PCDH9: variants seen among roughly 807,000 people sequenced by gnomAD.
PCDH9 encodes the protein protocadherin 9.
A neutral mutation model predicts 70.6 loss-of-function variants in PCDH9; 24 were observed. The ratio of observed to expected loss-of-function variants is 0.34; its 90% CI spans 0.25 to 0.48. PCDH9 has a LOEUF of 0.48. PCDH9 is among the 20% of genes least tolerant of loss of function. PCDH9 has a pLI of 0.99. For synonymous variants in PCDH9, 562 were observed against 558.5 expected (o/e 1.01, Z -0.09); for missense variants, 1,281 against 1,503.6 (o/e 0.85, Z 2.45).
At chr13:67,193,006 C>A (rs77610412) in intron 2 of PCDH9, among the ~76,000 whole-genome samples, 1,534 of 152,156 alleles carry the variant, frequency 0.01, 38 homozygotes, top group African/African-American at 0.035. Flanking sequence ...TCCATCAACA[C>A]CTAATTGCTT....
intron 3 of PCDH9, among the ~76,000 whole-genome samples, chr13:66,846,997 A>T (rs946914691): frequency 6.6e-6 from 1 of 152,092 alleles, no homozygotes. Flanking sequence ...CAAATGAATG[A>T]TTTCCCCCAT....
chr13:66,442,344 A>G (rs1321618909), intron 4 of PCDH9, among the ~76,000 whole-genome samples: 4 of 152,204 alleles, frequency 2.6e-5, no homozygotes, highest in Non-Finnish European at 5.9e-5. Context: ...TCTTTCAAAG[A>G]GAAAATGCAT....
Position 67,123,564 on chromosome 13 carries a change from C to T in PCDH9, c.3036+101841G>A, listed in dbSNP as rs529883827. On this transcript the variant is annotated intron_variant, in intron 2 of 4. Transcript: ENST00000377865. ...TATATGTCTTACTATAGTAATGTTA[C>T]GATAATCATCATTGGTTAGTTTAAT... Among the ~76,000 whole-genome samples, 21 of 152,126 alleles carry T rather than the reference C, an allele frequency of 1.4e-4. No homozygotes were observed. The South Asian group carries it at 2.3e-3, about 17-fold the overall frequency.
intron 3 of PCDH9, among the ~76,000 whole-genome samples, chr13:66,820,323 C>T (rs981421696): frequency 3.9e-5 from 6 of 152,012 alleles, no homozygotes; most frequent in African/African-American, 9.7e-5. Context: ...TATTTTTAGT[C>T]GATACCCCTA....
At chr13:66,770,801 A>AT (rs1262927218) in intron 3 of PCDH9, among the ~76,000 whole-genome samples, 3 of 152,118 alleles carry the variant, frequency 2.0e-5, no homozygotes, top group East Asian at 1.9e-4. Context: ...AAAAATCCAC[A>AT]TTTTTGTCTC....
At chr13:66,404,986 A>C (rs1433614441) in intron 4 of PCDH9, among the ~76,000 whole-genome samples, 2 of 152,118 alleles carry the variant, frequency 1.3e-5, no homozygotes, top group African/African-American at 4.8e-5. Flanking sequence ...TATACAGTAA[A>C]ATTGTTTTTA....
At chr13:67,203,916 A>G (rs2089277658) in intron 2 of PCDH9, 1 of 152,094 alleles carries the variant, frequency 6.6e-6, no homozygotes, top group Admixed American at 6.6e-5. Flanking sequence ...CATAAATATG[A>G]TATGATAGGT....
chr13:66,973,652 A>G (rs1435296337), intron 2 of PCDH9, among the ~76,000 whole-genome samples: 1 of 152,062 alleles, frequency 6.6e-6, no homozygotes, highest in African/African-American at 2.4e-5. Context: ...TAGCTAACCT[A>G]TCAAGGCATG....
chr13:66,587,132 C>CA (rs1201350425), intron 4 of PCDH9, among the ~76,000 whole-genome samples: 1 of 151,948 alleles, frequency 6.6e-6, no homozygotes, highest in East Asian at 1.9e-4. Context: ...CTTGTCTCTA[C>CA]AAAAAATATT....
chr13:66,897,907 A>G (rs1205613183), intron 3 of PCDH9, among the ~76,000 whole-genome samples: 1 of 152,154 alleles, frequency 6.6e-6, no homozygotes, highest in African/African-American at 2.4e-5. Context: ...ATTATTTTCC[A>G]GGTCAATCTT....
intron 4 of PCDH9, among the ~76,000 whole-genome samples, chr13:66,544,805 C>T (rs997166760): frequency 6.6e-6 from 1 of 152,046 alleles, no homozygotes; most frequent in Non-Finnish European, 1.5e-5. Context: ...GCCATCAATA[C>T]ATCTTATGCT....
rs1262028716 is a variant in PCDH9 at position 66,631,252 on chromosome 13, C to T, written c.3298G>A (p.Asp1100Asn). 15 of 1,610,662 alleles carry T rather than the reference C, an allele frequency of 9.3e-6. No individual in the cohort carries two copies. ...TTGCCATCTGCTTCAGTCCTCTTGTCCGGAGAGGCCTGGTCATAGAATTCG... is the reference window on the plus strand; with the variant it reads ...TTGCCATCTGCTTCAGTCCTCTTGTTCGGAGAGGCCTGGTCATAGAATTCG... ...QDEFYDQASP[D>N]KRTEADGNSD... The change falls in exon 4 of 5, where the codon GAC (aspartate) becomes AAC (asparagine). Residue 1100 changes from aspartate to asparagine, a missense_variant. Asp to Asn is a conservative substitution (Grantham distance 23). Around this residue, in one of 4 missense-constraint regions of PCDH9, gnomAD observed 264 missense variants for 278.8 expected, o/e 0.95. Coordinates refer to ENST00000377865, the MANE Select transcript of PCDH9 (RefSeq NM_203487.3).
At chr13:66,420,303 A>G (rs990020236) in intron 4 of PCDH9, among the ~76,000 whole-genome samples, 4 of 152,128 alleles carry the variant, frequency 2.6e-5, no homozygotes, top group African/African-American at 9.7e-5. Flanking sequence ...GGATCTCCCA[A>G]CACAGCACTC....
chr13:66,561,836 G>A (rs1962054789), intron 4 of PCDH9, among the ~76,000 whole-genome samples: 1 of 152,040 alleles, frequency 6.6e-6, no homozygotes, highest in African/African-American at 2.4e-5. Context: ...AATAAAAGCA[G>A]GCTGCCCGAG....
intron 3 of PCDH9, among the ~76,000 whole-genome samples, chr13:66,642,688 C>G (rs933607890): frequency 1.3e-5 from 2 of 151,728 alleles, no homozygotes; most frequent in Non-Finnish European, 2.9e-5. Context: ...AAGTAGTGAA[C>G]AGTATTTTTT....
chr13:66,599,863 G>A (rs532138872), intron 4 of PCDH9, among the ~76,000 whole-genome samples: 4 of 151,872 alleles, frequency 2.6e-5, no homozygotes, highest in Admixed American at 6.6e-5. Flanking sequence ...AGTTTTCTAC[G>A]ATTGATTTTG....
At chr13:67,176,970 A>T (rs1441787901) in intron 2 of PCDH9, among the ~76,000 whole-genome samples, 1 of 152,100 alleles carries the variant, frequency 6.6e-6, no homozygotes, top group Non-Finnish European at 1.5e-5. Context: ...TAAATGTGTG[A>T]TCTCTCTTAG....
At chr13:67,121,441 C>T (rs1234578950) in intron 2 of PCDH9, among the ~76,000 whole-genome samples, 2 of 152,164 alleles carry the variant, frequency 1.3e-5, no homozygotes, top group African/African-American at 4.8e-5. Flanking sequence ...ATATTGCTGC[C>T]TGGAGCAATG....
intron 3 of PCDH9, among the ~76,000 whole-genome samples, chr13:66,893,567 A>C (rs1319841370): frequency 6.6e-6 from 1 of 152,202 alleles, no homozygotes; most frequent in African/African-American, 2.4e-5. Context: ...ATATATGATA[A>C]ATAAGAAGTG....
Sources: allele counts gnomAD v4.1 joint callset (sites outside exome capture counted in the v4.1 genomes callset), GRCh38; gene constraint gnomAD v4.1.1; regional missense constraint gnomAD v4.1.1; transcripts MANE v1.5; gene names NCBI Gene and HGNC (gene_info 2026-07-23, HGNC 2026-07-21).